Variants in KCNAB1 observed in about 807,000 individuals in gnomAD.
KCNAB1 encodes the protein potassium voltage-gated channel subfamily A regulatory beta subunit 1.
In KCNAB1, 35 loss-of-function variants were observed where a neutral mutation model predicts 64.6. The observed-to-expected ratio is 0.54, with a 90% confidence interval of 0.41 to 0.72. The LOEUF is 0.72. Ranked by LOEUF, KCNAB1 falls within the 30% of genes least tolerant of loss-of-function variation. The pLI is 0.00. For synonymous variants in KCNAB1, 177 were observed against 183.8 expected, an observed-to-expected ratio of 0.96 and a Z score of 0.30; for missense variants, 401 against 512.9, an observed-to-expected ratio of 0.78 and a Z score of 2.11.
intron 2 of KCNAB1, among the ~76,000 whole-genome samples, chr3:156,439,263 C>T (rs189773883): frequency 2.6e-4 from 36 of 140,732 alleles, no homozygotes; most frequent in African/African-American, 8.1e-4. Flanking sequence ...CTCACAATAC[C>T]GTGAGTAGGT....
At chr3:156,192,540 G>A (rs1291925253) in intron 1 of KCNAB1, among the ~76,000 whole-genome samples, 1 of 152,106 alleles carries the variant, frequency 6.6e-6, no homozygotes, top group African/African-American at 2.4e-5. Flanking sequence ...TGATATCACT[G>A]CTGATTTCTA....
chr3:156,129,118 AGT>A (rs1260100298), intron 1 of KCNAB1, among the ~76,000 whole-genome samples: 2 of 152,054 alleles, frequency 1.3e-5, no homozygotes, highest in East Asian at 3.9e-4. Flanking sequence ...AGTGAAGGAG[AGT>A]GTGGTTCTGC....
intron 2 of KCNAB1, among the ~76,000 whole-genome samples, chr3:156,437,090 T>C (rs914548992): frequency 1.3e-5 from 2 of 152,210 alleles, no homozygotes; most frequent in Non-Finnish European, 2.9e-5. Flanking sequence ...AATTGAAGTT[T>C]ATACTTGAAA....
At chr3:156,338,492 A>T (rs1182221076) in intron 1 of KCNAB1, among the ~76,000 whole-genome samples, 1 of 151,512 alleles carries the variant, frequency 6.6e-6, no homozygotes, top group African/African-American at 2.4e-5. Flanking sequence ...TGTATTGTTT[A>T]GTAGAGATGG....
intron 1 of KCNAB1, among the ~76,000 whole-genome samples, chr3:156,136,175 T>G (rs1247326723): frequency 5.3e-5 from 8 of 152,228 alleles, no homozygotes; most frequent in Non-Finnish European, 1.0e-4. Context: ...GCAGTGTATG[T>G]GGTAACCCTT....
intron 11 of KCNAB1, among the ~76,000 whole-genome samples, chr3:156,520,002 A>G (rs1717832603): frequency 6.6e-6 from 1 of 152,118 alleles, no homozygotes; most frequent in Non-Finnish European, 1.5e-5. Flanking sequence ...GCTTGTAAGG[A>G]AATCATTGAC....
intron 1 of KCNAB1, among the ~76,000 whole-genome samples, chr3:156,386,551 A>G (rs1576802204): frequency 6.6e-6 from 1 of 152,158 alleles, no homozygotes; most frequent in Admixed American, 6.5e-5. Flanking sequence ...ACTGGCTGCC[A>G]ATTTATCACT....
chr3:156,489,787 C>T (rs753154844), intron 8 of KCNAB1, among the ~76,000 whole-genome samples: 58 of 152,054 alleles, frequency 3.8e-4, no homozygotes, highest in Non-Finnish European at 5.9e-4. Context: ...TTATAAATGA[C>T]TTAGCAGAAC....
At chr3:156,465,616 A>G in intron 6 of KCNAB1, 27 bp from the exon 7 acceptor site, 1 of 1,606,676 alleles carries the variant, frequency 6.2e-7, no homozygotes, top group Non-Finnish European at 8.5e-7. Flanking sequence ...CTCTCATTCA[A>G]AGTTATTTGC....
chr3:156,402,575 A>G (rs1416520573), intron 1 of KCNAB1, among the ~76,000 whole-genome samples: 3 of 152,246 alleles, frequency 2.0e-5, no homozygotes, highest in Non-Finnish European at 2.9e-5. Context: ...AGACAATGAT[A>G]TGTGATTATT....
intron 1 of KCNAB1, among the ~76,000 whole-genome samples, chr3:156,410,912 C>T (rs191832077): frequency 4.3e-4 from 66 of 152,242 alleles, no homozygotes; most frequent in Admixed American, 9.8e-4. Context: ...TATTTATATA[C>T]ACTTTTTTGT....
At chr3:156,394,170 G>A (rs1713255457) in intron 1 of KCNAB1, among the ~76,000 whole-genome samples, 1 of 152,206 alleles carries the variant, frequency 6.6e-6, no homozygotes, top group South Asian at 2.1e-4. Flanking sequence ...ATGCACAGTT[G>A]TCTTACAGAG....
At chr3:156,523,177 AAT>A (rs1718069771) in intron 11 of KCNAB1, among the ~76,000 whole-genome samples, 1 of 152,230 alleles carries the variant, frequency 6.6e-6, no homozygotes, top group South Asian at 2.1e-4. Context: ...TTTAAGTTTC[AAT>A]AGTTATACAA....
At chr3:156,244,209 A>C (rs1216916738) in intron 1 of KCNAB1, among the ~76,000 whole-genome samples, 2 of 152,160 alleles carry the variant, frequency 1.3e-5, no homozygotes, top group Non-Finnish European at 2.9e-5. Flanking sequence ...AGAGAAATCC[A>C]CTTCCTTACT....
At chr3:156,485,989 T>G (rs1234041913) in intron 8 of KCNAB1, among the ~76,000 whole-genome samples, 1 of 152,056 alleles carries the variant, frequency 6.6e-6, no homozygotes, top group Non-Finnish European at 1.5e-5. Context: ...CCCAGGAGGG[T>G]TGCTGCATCC....
intron 1 of KCNAB1, among the ~76,000 whole-genome samples, chr3:156,386,645 T>C (rs950103166): frequency 6.6e-6 from 1 of 152,136 alleles, no homozygotes; most frequent in Admixed American, 6.5e-5. Context: ...GCCCTGCTCA[T>C]GCCTGTCTAA....
intron 1 of KCNAB1, among the ~76,000 whole-genome samples, chr3:156,139,805 T>C (rs1714603632): frequency 6.6e-6 from 1 of 152,074 alleles, no homozygotes; most frequent in South Asian, 2.1e-4. Flanking sequence ...TTCTGATCAT[T>C]ATAACTGGAG....
At chr3:156,139,584 GTTTTTTT>G (rs386398329) in intron 1 of KCNAB1, among the ~76,000 whole-genome samples, 18 of 55,248 alleles carry the variant, frequency 3.3e-4, no homozygotes, top group African/African-American at 5.3e-4. Flanking sequence ...ATTGTACTGT[GTTTTTTT>G]TTTTTTTTTT....
chr3:156,415,585 T>C (rs573674584), intron 1 of KCNAB1, among the ~76,000 whole-genome samples: 12 of 152,150 alleles, frequency 7.9e-5, no homozygotes, highest in Non-Finnish European at 1.6e-4. Flanking sequence ...CTCTATCTCA[T>C]GGCAGACTTC....
Sources: allele counts gnomAD v4.1 joint callset (sites outside exome capture counted in the v4.1 genomes callset), GRCh38; gene constraint gnomAD v4.1.1; transcripts MANE v1.5; gene names NCBI Gene and HGNC (gene_info 2026-07-23, HGNC 2026-07-21).